DLG2: variants seen among roughly 807,000 people sequenced by gnomAD.
DLG2 encodes the protein disks large homolog 2.
In DLG2, 45 loss-of-function variants were observed where a neutral mutation model predicts 132.5. The ratio of observed to expected loss-of-function variants is 0.34; its 90% CI spans 0.27 to 0.44. DLG2 has a LOEUF of 0.44. DLG2 is among the 20% of genes least tolerant of loss of function. DLG2 has a pLI of 1.00. For synonymous variants in DLG2, 424 were observed against 419.6 expected (o/e 1.01, Z -0.13); for missense variants, 1,045 against 1,196.9 (o/e 0.87, Z 1.87).
intron 6 of DLG2, among the ~76,000 whole-genome samples, chr11:85,013,805 A>G (rs567043851): frequency 5.4e-4 from 82 of 152,200 alleles, no homozygotes; most frequent in Non-Finnish European, 1.0e-3. Context: ...CTAATGTGAA[A>G]TACTGGCAGA....
intron 21 of DLG2, among the ~76,000 whole-genome samples, chr11:83,524,345 T>C (rs999140676): frequency 1.3e-5 from 2 of 152,166 alleles, no homozygotes; most frequent in African/African-American, 4.8e-5. Context: ...ATTCTGATCC[T>C]GCAGGACAGG....
chr11:85,252,336 T>A (rs2076437605), intron 4 of DLG2, among the ~76,000 whole-genome samples: 1 of 152,022 alleles, frequency 6.6e-6, no homozygotes, highest in African/African-American at 2.4e-5. Flanking sequence ...TTTTAATAGT[T>A]AGGAATGGTT....
At chr11:85,347,733 C>T (rs932991987) in intron 3 of DLG2, among the ~76,000 whole-genome samples, 7 of 151,274 alleles carry the variant, frequency 4.6e-5, no homozygotes, top group Admixed American at 1.3e-4. Context: ...GAAGTTTTCC[C>T]GTGTCTCCTA....
At chr11:84,833,659 G>C (rs1008120740) in intron 6 of DLG2, among the ~76,000 whole-genome samples, 3 of 151,398 alleles carry the variant, frequency 2.0e-5, no homozygotes, top group South Asian at 2.1e-4. Context: ...GGCAGTTGTG[G>C]GGGGGTGGGC....
At chr11:83,971,047 G>A (rs2154166348) in intron 12 of DLG2, among the ~76,000 whole-genome samples, 1 of 152,306 alleles carries the variant, frequency 6.6e-6, no homozygotes, top group East Asian at 1.9e-4. Context: ...AGCTGGAGCT[G>A]ATTGTATGCA....
intron 19 of DLG2, chr11:83,631,666 A>T (rs903855486): frequency 6.6e-6 from 1 of 152,160 alleles, no homozygotes; most frequent in Non-Finnish European, 1.5e-5. Context: ...AGCTATTAGC[A>T]ATATATTTCA....
chr11:85,599,362 C>G (rs920153108), intron 2 of DLG2, among the ~76,000 whole-genome samples: 2 of 151,960 alleles, frequency 1.3e-5, no homozygotes, highest in African/African-American at 4.8e-5. Flanking sequence ...CTCTCTCTCT[C>G]TCTCTCTACT....
chr11:84,797,281 G>C (rs1370782215), intron 6 of DLG2, among the ~76,000 whole-genome samples: 2 of 152,010 alleles, frequency 1.3e-5, no homozygotes, highest in East Asian at 3.9e-4. Flanking sequence ...TCTAGATTTG[G>C]GAAGTTCTCT....
At chr11:84,486,579 GGTGTGAAAATC>G (rs1404422133) in intron 7 of DLG2, among the ~76,000 whole-genome samples, 1 of 152,044 alleles carries the variant, frequency 6.6e-6, no homozygotes, top group Non-Finnish European at 1.5e-5. Flanking sequence ...ATTGGAAATA[GGTGTGAAAATC>G]TGCCTCAAAT....
At chr11:85,052,571 T>C (rs1256428676) in intron 6 of DLG2, among the ~76,000 whole-genome samples, 2 of 152,210 alleles carry the variant, frequency 1.3e-5, no homozygotes, top group South Asian at 2.1e-4. Flanking sequence ...TTGATCTACT[T>C]ATAATTACTT....
At chr11:84,075,840 C>T (rs2096823105) in intron 10 of DLG2, among the ~76,000 whole-genome samples, 1 of 152,130 alleles carries the variant, frequency 6.6e-6, no homozygotes, top group Non-Finnish European at 1.5e-5. Flanking sequence ...AAACTCATGA[C>T]ACATTTTGAG....
intron 2 of DLG2, among the ~76,000 whole-genome samples, chr11:85,617,733 A>G (rs2081436309): frequency 6.6e-6 from 1 of 152,228 alleles, no homozygotes; most frequent in Non-Finnish European, 1.5e-5. Flanking sequence ...ATGTTTAAAT[A>G]GAACAGAACT....
intron 8 of DLG2, among the ~76,000 whole-genome samples, chr11:84,164,013 A>C (rs35910823): frequency 0.035 from 5,265 of 152,196 alleles, 140 homozygotes; most frequent in Non-Finnish European, 0.055. Context: ...AGCTCAGGTA[A>C]ATCATCCCCA....
rs956667002 is a variant in DLG2 at position 85,076,130 on chromosome 11, T to C, written c.357+35531A>G. 1.6e-4 allele frequency among the ~76,000 whole-genome samples: 24 copies of C among 151,966 alleles called. 1 individual carries two copies. The highest frequency in any genetic ancestry group is 1.4e-3 in the Admixed American group (21 of 15,244). On this transcript the variant is annotated intron_variant, in intron 6 of 27. Coordinates refer to ENST00000376104, the MANE Select transcript of DLG2 (RefSeq NM_001142699.3). Reference sequence around the variant, plus strand: ...TTACCATGTGTCAGAAAGTATGCTATTACAGCTAGAGATACACAGATGAAT... The same window carrying C: ...TTACCATGTGTCAGAAAGTATGCTACTACAGCTAGAGATACACAGATGAAT...
intron 8 of DLG2, among the ~76,000 whole-genome samples, chr11:84,167,922 T>C (rs2095708987): frequency 6.6e-6 from 1 of 152,196 alleles, no homozygotes; most frequent in Non-Finnish European, 1.5e-5. Context: ...CACCTTGGCC[T>C]CCCAAAGTGC....
chr11:85,029,409 T>A (rs889402028), intron 6 of DLG2, among the ~76,000 whole-genome samples: 1 of 152,200 alleles, frequency 6.6e-6, no homozygotes, highest in Admixed American at 6.5e-5. Flanking sequence ...AGGTACAACA[T>A]GGAGAAGAGT....
chr11:85,585,972 C>T (rs1177992833), intron 3 of DLG2, among the ~76,000 whole-genome samples: 1 of 152,196 alleles, frequency 6.6e-6, no homozygotes, highest in Admixed American at 6.5e-5. Context: ...CCCTCTCAGC[C>T]TCTCAAAGTG....
chr11:85,518,105 G>T (rs1293041945), intron 3 of DLG2, among the ~76,000 whole-genome samples: 1 of 152,138 alleles, frequency 6.6e-6, no homozygotes, highest in Non-Finnish European at 1.5e-5. Flanking sequence ...TCAGCAGCAT[G>T]AAAACAGACT....
chr11:84,640,022 C>A, intron 6 of DLG2: 2 of 264,604 alleles, frequency 7.6e-6, no homozygotes, highest in South Asian at 1.1e-4. Context: ...ATCAGACTGT[C>A]GGCACTCCAG....
Sources: gnomAD v4.1 joint callset for allele counts (sites outside exome capture counted in the v4.1 genomes callset) on GRCh38, gnomAD v4.1.1 for gene constraint, MANE v1.5 for transcripts, NCBI Gene and HGNC (gene_info 2026-07-23, HGNC 2026-07-21) for gene names.